Variants in ENPP6 observed in about 807,000 individuals in gnomAD.
The protein encoded by ENPP6 is glycerophosphocholine cholinephosphodiesterase ENPP6.
Under a neutral mutation model 42.0 loss-of-function variants are expected in ENPP6, and 32 were observed. The ratio of observed to expected loss-of-function variants is 0.76; its 90% CI spans 0.58 to 1.02. The LOEUF is 1.02. Ranked by LOEUF, ENPP6 falls within the 50% of genes least tolerant of loss-of-function variation. The pLI is 0.00. For synonymous variants in ENPP6, 213 were observed against 216.0 expected (o/e 0.99, Z 0.12); for missense variants, 552 against 566.8 (o/e 0.97, Z 0.27).
intron 1 of ENPP6, among the ~76,000 whole-genome samples, chr4:184,165,652 T>C (rs5020421): frequency 0.74 from 112,599 of 151,896 alleles, 42,246 homozygotes; most frequent in African/African-American, 0.83. Context: ...AGGAGGAATA[T>C]TCTCAGACTA....
At chr4:184,135,334 G>T (rs1487032709) in intron 2 of ENPP6, among the ~76,000 whole-genome samples, 1 of 152,014 alleles carries the variant, frequency 6.6e-6, no homozygotes, top group Non-Finnish European at 1.5e-5. Flanking sequence ...TCTCCTTTTA[G>T]TGCTTCCCAT....
chr4:184,093,218 A>G (rs759466385), intron 7 of ENPP6, among the ~76,000 whole-genome samples: 1 of 152,232 alleles, frequency 6.6e-6, no homozygotes, highest in Non-Finnish European at 1.5e-5. Context: ...ATTAATAAAT[A>G]TTTATGACAA....
chr4:184,211,745 A>C (rs2111125327), intron 1 of ENPP6, among the ~76,000 whole-genome samples: 1 of 151,772 alleles, frequency 6.6e-6, no homozygotes, highest in East Asian at 1.9e-4. Context: ...TTATGAGGCC[A>C]GCATCATTCT....
intron 1 of ENPP6, among the ~76,000 whole-genome samples, chr4:184,214,464 TTC>T (rs1349103804): frequency 6.6e-6 from 1 of 152,178 alleles, no homozygotes; most frequent in East Asian, 1.9e-4. Flanking sequence ...CACTGTGAAA[TTC>T]TCTGTCTCAA....
At chr4:184,209,787 G>A (rs1733078388) in intron 1 of ENPP6, among the ~76,000 whole-genome samples, 1 of 146,562 alleles carries the variant, frequency 6.8e-6, no homozygotes, top group Middle Eastern at 3.2e-3. Flanking sequence ...ATAATTGTCA[G>A]ATTCACCAAA....
In ENPP6 at chr4:184,112,638, A is replaced by G. The variant is rs748258350; in HGVS notation, c.993+34T>C. On this transcript the variant is annotated intron_variant, in intron 6 of 7. Transcript: ENST00000296741. ...CTTTGGACTGTTTTATAGAATTTGC[A>G]TAGAGAATAAATTGGCACATATTTC... 10 of 1,599,512 alleles carry G rather than the reference A, an allele frequency of 6.3e-6. No individual in the cohort carries two copies. The South Asian group carries it at 6.8e-5, about 11-fold the overall frequency.
chr4:184,183,500 T>TACACAC (rs35771707), intron 1 of ENPP6, among the ~76,000 whole-genome samples: 7 of 148,494 alleles, frequency 4.7e-5, no homozygotes, highest in African/African-American at 1.8e-4. Context: ...CATGCATGTA[T>TACACAC]ACACACACAC....
At chr4:184,143,187 T>C (rs1736851975) in intron 2 of ENPP6, among the ~76,000 whole-genome samples, 1 of 152,200 alleles carries the variant, frequency 6.6e-6, no homozygotes, top group South Asian at 2.1e-4. Context: ...TGCTGACAAG[T>C]CCTTTAATGC....
chr4:184,152,360 CT>C (rs1560994139), intron 2 of ENPP6, among the ~76,000 whole-genome samples: 2 of 152,122 alleles, frequency 1.3e-5, no homozygotes, highest in African/African-American at 2.4e-5. Context: ...CCTTCACCCC[CT>C]CTCCACTGCC....
intron 1 of ENPP6, among the ~76,000 whole-genome samples, chr4:184,197,486 C>T (rs577355707): frequency 8.5e-5 from 13 of 152,312 alleles, no homozygotes; most frequent in African/African-American, 2.4e-4. Context: ...CCTGGGCTTC[C>T]GTCCCTGATC....
chr4:184,112,525 T>A lies in ENPP6; in HGVS notation c.993+147A>T. The A allele has an allele frequency of 1.9e-6, 2 of 1,042,702 alleles. 1 individual carries two copies. The highest frequency in any genetic ancestry group is 2.7e-6 in the Non-Finnish European group (2 of 747,156). The allele number at this position is 1,042,702 out of a possible 1,614,324, so 64.6% of individuals were successfully genotyped here. On this transcript the variant is annotated intron_variant, in intron 6 of 7. Transcript: ENST00000296741. ...TACAAAGTTACCCGATCAAGACTTTTGATTCTCTAAAGAAAGACATAACGC... is the reference window on the plus strand; with the variant it reads ...TACAAAGTTACCCGATCAAGACTTTAGATTCTCTAAAGAAAGACATAACGC...
chr4:184,144,875 C>G (rs1253376432), intron 2 of ENPP6, among the ~76,000 whole-genome samples: 8 of 152,228 alleles, frequency 5.3e-5, no homozygotes, highest in Admixed American at 5.2e-4. Context: ...ACTCATCGTT[C>G]CTTTATGTAA....
At chr4:184,110,925 C>T (rs147558335) in intron 6 of ENPP6, among the ~76,000 whole-genome samples, 6 of 152,134 alleles carry the variant, frequency 3.9e-5, no homozygotes, top group Non-Finnish European at 7.3e-5. Flanking sequence ...ATCTTCATGC[C>T]GGACGTGTGG....
intron 1 of ENPP6, among the ~76,000 whole-genome samples, chr4:184,172,058 C>T (rs1476085829): frequency 4.0e-5 from 6 of 151,646 alleles, no homozygotes; most frequent in Non-Finnish European, 7.4e-5. Flanking sequence ...TGAGTGGTGG[C>T]GGAAATAATG....
At chr4:184,110,345 A>G (rs1315355743) in intron 6 of ENPP6, among the ~76,000 whole-genome samples, 1 of 152,158 alleles carries the variant, frequency 6.6e-6, no homozygotes, top group African/African-American at 2.4e-5. Context: ...CAGCTGATTG[A>G]TGAGACTGAG....
chr4:184,119,224 CATT>C (rs1288110047), intron 3 of ENPP6, among the ~76,000 whole-genome samples: 3 of 152,026 alleles, frequency 2.0e-5, no homozygotes, highest in African/African-American at 7.3e-5. Flanking sequence ...GCAGCTCTAA[CATT>C]ATGGTTTGAT....
chr4:184,191,993 A>G (rs1732718011), intron 1 of ENPP6, among the ~76,000 whole-genome samples: 1 of 152,240 alleles, frequency 6.6e-6, no homozygotes, highest in Non-Finnish European at 1.5e-5. Context: ...ACCCAAATAC[A>G]TGGAAAGACA....
chr4:184,101,094 G>A (rs1462495146), intron 6 of ENPP6, among the ~76,000 whole-genome samples: 1 of 152,150 alleles, frequency 6.6e-6, no homozygotes, highest in Non-Finnish European at 1.5e-5. Context: ...GAGTCAGTCA[G>A]TGGGGACGCA....
intron 6 of ENPP6, among the ~76,000 whole-genome samples, chr4:184,112,189 C>T (rs747794062): frequency 2.0e-5 from 3 of 152,276 alleles, no homozygotes; most frequent in South Asian, 4.1e-4. Context: ...GGAGGTCATT[C>T]AGGCATGAGG....
Sources: allele counts gnomAD v4.1 joint callset (sites outside exome capture counted in the v4.1 genomes callset), GRCh38; gene constraint gnomAD v4.1.1; transcripts MANE v1.5; gene names NCBI Gene and HGNC (gene_info 2026-07-23, HGNC 2026-07-21).